KIF26B: variants seen among roughly 807,000 people sequenced by gnomAD.
KIF26B encodes the protein kinesin-like protein KIF26B.
KIF26B carries 63 observed loss-of-function variants against 151.2 expected under a neutral mutation model. The ratio of observed to expected loss-of-function variants is 0.42; its 90% CI spans 0.34 to 0.51. KIF26B has a LOEUF of 0.51. Ranked by LOEUF, KIF26B falls within the 20% of genes least tolerant of loss-of-function variation. KIF26B has a pLI of 0.07. For synonymous variants in KIF26B, 1,357 were observed against 1,262.1 expected, an observed-to-expected ratio of 1.08 and a Z score of -1.59; for missense variants, 2,813 against 2,913.6, an observed-to-expected ratio of 0.97 and a Z score of 0.79.
chr1:245,637,772 G>A (rs1218450140), intron 9 of KIF26B, among the ~76,000 whole-genome samples: 1 of 151,968 alleles, frequency 6.6e-6, no homozygotes, highest in Non-Finnish European at 1.5e-5. Context: ...TTTCCCCAAT[G>A]TATGTTATTG....
chr1:245,404,072 CTTTGT>C lies in KIF26B; in HGVS notation c.1000-15503_1000-15499del, dbSNP rs1214007324. ...GGAAACACTGCAGACTTCAAAGTTC[CTTTGT>C]TTTAAGTGCGGTGGAATCATAGTTG... On this transcript the variant is annotated intron_variant, in intron 3 of 14. Coordinates refer to ENST00000407071, the MANE Select transcript of KIF26B (RefSeq NM_018012.4). 3.9e-5 allele frequency among the ~76,000 whole-genome samples: 6 copies of C among 152,262 alleles called. No homozygotes were observed. The East Asian group carries it at 9.6e-4, about 24-fold the overall frequency.
At chr1:245,215,618 C>G (rs934262655) in intron 2 of KIF26B, among the ~76,000 whole-genome samples, 1 of 152,176 alleles carries the variant, frequency 6.6e-6, no homozygotes, top group Non-Finnish European at 1.5e-5. Context: ...TGCCCCAGGC[C>G]TTATGCTGGG....
intron 2 of KIF26B, among the ~76,000 whole-genome samples, chr1:245,199,384 A>G (rs1474442316): frequency 2.6e-5 from 4 of 152,090 alleles, no homozygotes; most frequent in African/African-American, 9.7e-5. Context: ...GTAGTTGATT[A>G]GGGGAGAATT....
At chr1:245,368,309 A>G (rs1340612707) in intron 3 of KIF26B, among the ~76,000 whole-genome samples, 1 of 152,086 alleles carries the variant, frequency 6.6e-6, no homozygotes, top group Non-Finnish European at 1.5e-5. Flanking sequence ...AAGATGTTCT[A>G]ATTTTGCCCG....
chr1:245,477,759 G>A (rs6662923), intron 4 of KIF26B, among the ~76,000 whole-genome samples: 10,552 of 151,786 alleles, frequency 0.07, 536 homozygotes, highest in Middle Eastern at 0.16. Flanking sequence ...AAAAGAGACC[G>A]AATGGTAGCA....
At chr1:245,500,415 G>A (rs904604088) in intron 4 of KIF26B, among the ~76,000 whole-genome samples, 2 of 152,192 alleles carry the variant, frequency 1.3e-5, no homozygotes, top group African/African-American at 4.8e-5. Flanking sequence ...CACATTCCAA[G>A]TTTTGTCAGT....
intron 4 of KIF26B, among the ~76,000 whole-genome samples, chr1:245,435,649 C>A (rs1038237617): frequency 2.0e-5 from 3 of 152,196 alleles, no homozygotes; most frequent in African/African-American, 7.2e-5. Flanking sequence ...TGTCAGTTTC[C>A]TCCTGTTCCT....
At chr1:245,493,241 C>T (rs548603562) in intron 4 of KIF26B, among the ~76,000 whole-genome samples, 1 of 152,236 alleles carries the variant, frequency 6.6e-6, no homozygotes, top group South Asian at 2.1e-4. Flanking sequence ...GAGGCAAGTG[C>T]GGTTATTGCA....
chr1:245,270,186 T>C (rs1321720039), intron 2 of KIF26B, among the ~76,000 whole-genome samples: 18 of 112,744 alleles, frequency 1.6e-4, no homozygotes, highest in African/African-American at 5.3e-4. Flanking sequence ...TCCCTTCCAT[T>C]CCTTCTTCTT....
In KIF26B at chr1:245,302,546, C is replaced by G. The variant is rs557046190; in HGVS notation, c.466-64288C>G. Among the ~76,000 whole-genome samples, 1,140 of 152,328 alleles carry G rather than the reference C, an allele frequency of 7.5e-3. 12 individuals are homozygous for G. Among genetic ancestry groups the G allele is most frequent in the African/African-American group, 0.026 (1,066 of 41,556 alleles). On this transcript the variant is annotated intron_variant, in intron 2 of 14. Coordinates refer to ENST00000407071, the MANE Select transcript of KIF26B (RefSeq NM_018012.4). Reference sequence around the variant, plus strand: ...GAAGGCAGTGGTGCCATCAATTCAGCAGCAAGGAACTTAATAGCTTTCTCA... The same window carrying G: ...GAAGGCAGTGGTGCCATCAATTCAGGAGCAAGGAACTTAATAGCTTTCTCA...
At chr1:245,264,885 TC>T (rs1670713288) in intron 2 of KIF26B, among the ~76,000 whole-genome samples, 1 of 140,046 alleles carries the variant, frequency 7.1e-6, no homozygotes, top group Admixed American at 7.6e-5. Flanking sequence ...AGAGCGAGAC[TC>T]CGTCTCAAAA....
intron 9 of KIF26B, among the ~76,000 whole-genome samples, chr1:245,627,020 T>G (rs368874903): frequency 2.0e-5 from 3 of 152,188 alleles, no homozygotes; most frequent in East Asian, 3.8e-4. Flanking sequence ...CTTGGTGCCT[T>G]TGTCAAAAAT....
intron 2 of KIF26B, among the ~76,000 whole-genome samples, chr1:245,311,904 T>G (rs530722702): frequency 4.6e-5 from 7 of 152,336 alleles, no homozygotes; most frequent in Admixed American, 6.5e-5. Context: ...CACTGCAGCC[T>G]GGGCGACAGA....
intron 3 of KIF26B, among the ~76,000 whole-genome samples, chr1:245,379,708 T>A (rs1673359863): frequency 6.6e-6 from 1 of 151,906 alleles, no homozygotes; most frequent in African/African-American, 2.4e-5. Flanking sequence ...CGGTGGCTCA[T>A]GCCTGTAATC....
rs2042939163 is a variant in KIF26B at position 245,560,761 on chromosome 1, G to A, written c.1350+19811G>A. ...TGTCAAATGAGCTGCCTCCACTGAA[G>A]ACTCCCCTCCGCTCCTCGCACTCTC... is the stretch of plus-strand genomic sequence containing the variant. On this transcript the variant is annotated intron_variant, in intron 5 of 14. Transcript: ENST00000407071. The surrounding 1 kb of genome is among the most constrained non-coding windows in gnomAD (Gnocchi z 4.3). Among the ~76,000 whole-genome samples the A allele has an allele frequency of 6.6e-6, 1 of 152,134 alleles. No individual in the cohort carries two copies. The highest frequency in any genetic ancestry group is 6.5e-5 in the Admixed American group (1 of 15,280).
chr1:245,497,262 C>T (rs1459152148), intron 4 of KIF26B, among the ~76,000 whole-genome samples: 1 of 152,056 alleles, frequency 6.6e-6, no homozygotes, highest in Non-Finnish European at 1.5e-5. Flanking sequence ...AACAACATGT[C>T]TCTCTCAAAA....
At chr1:245,394,684 C>CTTTTTTTTTTTTTTT (rs1444711983) in intron 3 of KIF26B, among the ~76,000 whole-genome samples, 3 of 124,400 alleles carry the variant, frequency 2.4e-5, no homozygotes, top group Admixed American at 7.8e-5. Flanking sequence ...AAGTTTTTTT[C>CTTTTTTTTTTTTTTT]TTTCTTTTTT....
At chr1:245,463,196 C>T (rs1293991783) in intron 4 of KIF26B, among the ~76,000 whole-genome samples, 1 of 152,172 alleles carries the variant, frequency 6.6e-6, no homozygotes, top group Non-Finnish European at 1.5e-5. Context: ...GCCCTTCAGC[C>T]GTGGTGCTCA....
chr1:245,282,785 CCTTCTTGCCT>C, intron 2 of KIF26B: 1 of 165,476 alleles, frequency 6.0e-6, no homozygotes, highest in South Asian at 1.5e-4. Context: ...CCTTCTTGCC[CCTTCTTGCCT>C]ATTAAACTCT....
Sources: gnomAD v4.1 joint callset for allele counts (sites outside exome capture counted in the v4.1 genomes callset) on GRCh38, gnomAD v4.1.1 for gene constraint, Gnocchi (gnomAD v3.1) non-coding constraint, MANE v1.5 for transcripts, NCBI Gene and HGNC (gene_info 2026-07-23, HGNC 2026-07-21) for gene names.